The following DSCAM variants were observed in gnomAD, a reference collection of about 807,000 sequenced individuals.
DSCAM encodes the protein DS cell adhesion molecule.
A neutral mutation model predicts 217.7 loss-of-function variants in DSCAM; 47 were observed. The ratio of observed to expected loss-of-function variants is 0.22; its 90% CI spans 0.17 to 0.28. The LOEUF is 0.28. Among genes scored for constraint, DSCAM ranks in the 10% least tolerant of loss-of-function variants. The pLI, the probability that DSCAM is intolerant of heterozygous loss-of-function variation, is 1.00. For synonymous variants in DSCAM, 1,056 were observed against 1,015.3 expected (o/e 1.04, Z -0.76); for missense variants, 2,080 against 2,618.3 (o/e 0.79, Z 4.49).
At chr21:40,033,241 T>C (rs563645554) in intron 32 of DSCAM, among the ~76,000 whole-genome samples, 143 of 152,032 alleles carry the variant, frequency 9.4e-4, no homozygotes, top group Middle Eastern at 6.8e-3. Context: ...GACGGGTGAT[T>C]TCGGCATTTC....
At chr21:40,119,533 A>T (rs2146657793) in intron 20 of DSCAM, among the ~76,000 whole-genome samples, 1 of 152,264 alleles carries the variant, frequency 6.6e-6, no homozygotes, top group East Asian at 1.9e-4. Flanking sequence ...ATTTCAGATG[A>T]TAGTTACATT....
intron 3 of DSCAM, among the ~76,000 whole-genome samples, chr21:40,669,963 A>G (rs567079536): frequency 8.9e-4 from 135 of 152,232 alleles, no homozygotes; most frequent in Non-Finnish European, 1.6e-3. Flanking sequence ...AAAAAGTCCA[A>G]ATTCAATACC....
intron 3 of DSCAM, among the ~76,000 whole-genome samples, chr21:40,423,901 G>C (rs2075448385): frequency 1.3e-5 from 2 of 152,154 alleles, no homozygotes; most frequent in Non-Finnish European, 2.9e-5. Context: ...GTGGGGAAGA[G>C]GGAGATGCTG....
chr21:40,522,108 A>G (rs563461111), intron 3 of DSCAM, among the ~76,000 whole-genome samples: 54 of 152,330 alleles, frequency 3.5e-4, no homozygotes, highest in Middle Eastern at 3.4e-3. Context: ...AAACTCTGCT[A>G]TAGAACAAAG....
At chr21:40,729,803 G>A (rs149915144) in intron 1 of DSCAM, among the ~76,000 whole-genome samples, 1 of 152,140 alleles carries the variant, frequency 6.6e-6, no homozygotes, top group South Asian at 2.1e-4. Context: ...CTCTAGGCCA[G>A]ATCCATGGTG....
intron 1 of DSCAM, among the ~76,000 whole-genome samples, chr21:40,843,308 C>A (rs755619964): frequency 6.6e-6 from 1 of 151,462 alleles, no homozygotes; most frequent in Non-Finnish European, 1.5e-5. Flanking sequence ...CCCATGAAAG[C>A]GGATGCAGTA....
At chr21:40,498,232 A>C (rs886468115) in intron 3 of DSCAM, among the ~76,000 whole-genome samples, 6 of 152,172 alleles carry the variant, frequency 3.9e-5, no homozygotes, top group Non-Finnish European at 7.4e-5. Context: ...TGTCAATTGT[A>C]TATGAAGGCA....
intron 3 of DSCAM, among the ~76,000 whole-genome samples, chr21:40,488,563 G>A (rs1402999662): frequency 6.6e-6 from 1 of 152,092 alleles, no homozygotes; most frequent in Admixed American, 6.6e-5. Context: ...GCACAGTCAA[G>A]AAGAGGAGAA....
intron 18 of DSCAM, among the ~76,000 whole-genome samples, chr21:40,138,380 T>A (rs938261927): frequency 1.1e-4 from 16 of 149,900 alleles, no homozygotes; most frequent in African/African-American, 3.9e-4. Context: ...GTTACATGTG[T>A]TGTGTGATGT....
intron 3 of DSCAM, among the ~76,000 whole-genome samples, chr21:40,552,115 A>G (rs1371476727): frequency 6.6e-6 from 1 of 152,156 alleles, no homozygotes; most frequent in African/African-American, 2.4e-5. Flanking sequence ...GGGGTTCAAG[A>G]CCAGCCTGGC....
chr21:40,252,842 C>A (rs920707716), intron 11 of DSCAM, among the ~76,000 whole-genome samples: 11 of 152,052 alleles, frequency 7.2e-5, no homozygotes, highest in African/African-American at 2.4e-4. Flanking sequence ...ACGTATAAAA[C>A]AAAATTGGGG....
intron 1 of DSCAM, among the ~76,000 whole-genome samples, chr21:40,801,151 C>A (rs974806891): frequency 2.0e-5 from 3 of 151,970 alleles, no homozygotes; most frequent in Admixed American, 2.0e-4. Flanking sequence ...CAGGGTTTCA[C>A]CATGTTGGCC....
chr21:40,063,989 C>T (rs1232461499), intron 27 of DSCAM, among the ~76,000 whole-genome samples: 2 of 152,092 alleles, frequency 1.3e-5, no homozygotes, highest in African/African-American at 4.8e-5. Flanking sequence ...ATATACTCCA[C>T]CCACACAGCA....
chr21:40,803,486 G>C (rs1261159131), intron 1 of DSCAM, among the ~76,000 whole-genome samples: 2 of 152,130 alleles, frequency 1.3e-5, no homozygotes, highest in Non-Finnish European at 2.9e-5. Context: ...AGCCATGATA[G>C]GTCTGATCAA....
intron 3 of DSCAM, among the ~76,000 whole-genome samples, chr21:40,677,683 G>T (rs182861514): frequency 6.6e-6 from 1 of 152,260 alleles, no homozygotes; most frequent in East Asian, 1.9e-4. Flanking sequence ...CTATCGGGAG[G>T]TGGATCCTTT....
At chr21:40,038,211 A>G (rs1308231011) in intron 32 of DSCAM, among the ~76,000 whole-genome samples, 1 of 133,824 alleles carries the variant, frequency 7.5e-6, no homozygotes. Flanking sequence ...AAAAGAAACT[A>G]CCATCAGAGT....
intron 19 of DSCAM, among the ~76,000 whole-genome samples, chr21:40,130,250 A>G (rs2090141233): frequency 6.6e-6 from 1 of 152,204 alleles, no homozygotes; most frequent in Non-Finnish European, 1.5e-5. Flanking sequence ...GTATTGGCAA[A>G]TAAAATGGCA....
chr21:40,216,121 T>G (rs2091241001), intron 11 of DSCAM, among the ~76,000 whole-genome samples: 1 of 152,090 alleles, frequency 6.6e-6, no homozygotes, highest in Admixed American at 6.5e-5. Flanking sequence ...TTTGTATTTG[T>G]TTTAGAGACA....
intron 6 of DSCAM, among the ~76,000 whole-genome samples, chr21:40,342,342 TTTC>T: frequency 6.6e-6 from 1 of 152,052 alleles, no homozygotes; most frequent in Non-Finnish European, 1.5e-5. Context: ...TGGTTGCCTT[TTTC>T]TTTTCTTAAT....
Sources: gnomAD v4.1 joint callset for allele counts (sites outside exome capture counted in the v4.1 genomes callset) on GRCh38, gnomAD v4.1.1 for gene constraint, MANE v1.5 for transcripts, NCBI Gene and HGNC (gene_info 2026-07-23, HGNC 2026-07-21) for gene names.